Variants in MEGF10 observed in about 807,000 individuals in gnomAD.
MEGF10 encodes multiple epidermal growth factor-like domains protein 10.
A neutral mutation model predicts 147.5 loss-of-function variants in MEGF10; 86 were observed. The observed-to-expected ratio is 0.58, with a 90% CI of 0.49 to 0.70. The LOEUF (loss-of-function observed/expected upper bound fraction) is 0.70, where lower values mean the gene tolerates loss of function less well. Ranked by LOEUF, MEGF10 falls within the 30% of genes least tolerant of loss-of-function variation. MEGF10 has a pLI of 0.00. For synonymous variants in MEGF10, 478 were observed against 525.5 expected (o/e 0.91, Z 1.24); for missense variants, 1,329 against 1,487.3 (o/e 0.89, Z 1.75).
rs186226957 is a variant in MEGF10 at position 127,417,923 on chromosome 5, C to G, written c.1305+111C>G. On this transcript the variant is annotated intron_variant, in intron 10 of 24. Transcript: ENST00000503335. ...ATACAGTGAATGTGCTAAAGTCATC[C>G]ACATCATTAAAGAGAGAGAGAAAAT... The G allele has an allele frequency of 1.1e-3, 1,209 of 1,098,228 alleles. 11 individuals are homozygous for G. The African/African-American group carries it at 0.017, about 15-fold the overall frequency. The allele number at this position is 1,098,228 out of a possible 1,614,324, so 68.0% of individuals were successfully genotyped here. A position where few individuals can be genotyped will look rare whatever the true frequency, so the allele number is the denominator to read the frequency against.
the MEGF10 span, among the ~76,000 whole-genome samples, chr5:127,274,841 T>A: frequency 6.6e-6 from 1 of 152,198 alleles, no homozygotes; most frequent in Non-Finnish European, 1.5e-5. Flanking sequence ...AATATTTTGT[T>A]TGATTCTCTA....
chr5:127,418,511 C>A (rs959024754), intron 10 of MEGF10, among the ~76,000 whole-genome samples: 1 of 152,214 alleles, frequency 6.6e-6, no homozygotes, highest in African/African-American at 2.4e-5. Context: ...GGTTTTCTAA[C>A]CTATGTCATA....
At chr5:127,247,667 A>T in the MEGF10 span, among the ~76,000 whole-genome samples, 1 of 152,042 alleles carries the variant, frequency 6.6e-6, no homozygotes, top group Non-Finnish European at 1.5e-5. Context: ...GCAGTGTAGG[A>T]TTAGAGTCTT....
At chr5:127,277,214 C>T in the MEGF10 span, among the ~76,000 whole-genome samples, 7 of 152,160 alleles carry the variant, frequency 4.6e-5, no homozygotes, top group African/African-American at 1.4e-4. Flanking sequence ...TAGATGGCTC[C>T]TAGCTCAGTT....
chr5:127,369,939 C>T lies in MEGF10; in HGVS notation c.349C>T (p.Arg117Cys), dbSNP rs775437445. Reference sequence around the variant, plus strand: ...CTGTGCTGATAAATGTGTCCATGGTCGCTGTATTGCTCCAAACACCTGTCA... The same window carrying T: ...CTGTGCTGATAAATGTGTCCATGGTTGCTGTATTGCTCCAAACACCTGTCA... ...PHCADKCVHG[R>C]CIAPNTCQCE... Residue 117 changes from arginine (R) to cysteine (C), a missense_variant, in exon 5 of 25, where the codon CGC becomes TGC. Around this residue, in one of 3 missense-constraint regions of MEGF10, gnomAD observed 980 missense variants for 1,085.9 expected, o/e 0.90. Transcript: ENST00000503335. The T allele has an allele frequency of 8.7e-6, 14 of 1,612,286 alleles. No homozygotes were observed. The highest frequency in any genetic ancestry group is 1.2e-5 in the Non-Finnish European group (14 of 1,178,996).
At chr5:127,367,476 TAA>T (rs1489967683) in intron 4 of MEGF10, among the ~76,000 whole-genome samples, 1 of 152,186 alleles carries the variant, frequency 6.6e-6, no homozygotes, top group Admixed American at 6.5e-5. Context: ...AGTATTAATA[TAA>T]ATTTACCATA....
At chr5:127,362,341 T>TG (rs1445754614) in intron 4 of MEGF10, among the ~76,000 whole-genome samples, 1 of 151,064 alleles carries the variant, frequency 6.6e-6, no homozygotes, top group Non-Finnish European at 1.5e-5. Flanking sequence ...GTTTTTTTTT[T>TG]TTTTTACATA....
chr5:127,374,861 C>A (rs1430276561), intron 5 of MEGF10, among the ~76,000 whole-genome samples: 1 of 152,226 alleles, frequency 6.6e-6, no homozygotes, highest in African/African-American at 2.4e-5. Flanking sequence ...TGGCTTCCCT[C>A]TTCTACTTCC....
chr5:127,327,334 G>T (rs1761077923), intron 1 of MEGF10, among the ~76,000 whole-genome samples: 1 of 152,178 alleles, frequency 6.6e-6, no homozygotes, highest in Non-Finnish European at 1.5e-5. Context: ...TCATAAGGAA[G>T]TTATTTGAAG....
chr5:127,373,870 G>A (rs565896496), intron 5 of MEGF10, among the ~76,000 whole-genome samples: 9 of 152,322 alleles, frequency 5.9e-5, no homozygotes, highest in Admixed American at 5.9e-4. Flanking sequence ...ACCTGCTGGA[G>A]AGGGCACAGT....
chr5:127,347,391 T>G (rs1414225448), intron 4 of MEGF10, among the ~76,000 whole-genome samples: 1 of 152,106 alleles, frequency 6.6e-6, no homozygotes, highest in Non-Finnish European at 1.5e-5. Context: ...TATATTTTCA[T>G]TAACACATAT....
At chr5:127,260,741 G>A in the MEGF10 span, among the ~76,000 whole-genome samples, 1 of 152,058 alleles carries the variant, frequency 6.6e-6, no homozygotes, top group African/African-American at 2.4e-5. Context: ...TAGGCATTTC[G>A]AGCAGAGTGG....
At chr5:127,293,467 T>G (rs1759356097) in intron 1 of MEGF10, among the ~76,000 whole-genome samples, 1 of 152,204 alleles carries the variant, frequency 6.6e-6, no homozygotes, top group African/African-American at 2.4e-5. Context: ...TTTTGTATGG[T>G]TCAAACTATA....
chr5:127,363,205 T>G (rs1048151686), intron 4 of MEGF10, among the ~76,000 whole-genome samples: 13 of 152,212 alleles, frequency 8.5e-5, no homozygotes, highest in African/African-American at 3.1e-4. Flanking sequence ...TTTTATTTAA[T>G]TTAGTAACTG....
chr5:127,381,918 A>T (rs1763279438), intron 5 of MEGF10, among the ~76,000 whole-genome samples: 1 of 151,958 alleles, frequency 6.6e-6, no homozygotes, highest in Non-Finnish European at 1.5e-5. Context: ...TGATCCACCC[A>T]CCTTGGCCTC....
intron 1 of MEGF10, among the ~76,000 whole-genome samples, chr5:127,320,154 TG>T (rs1229531381): frequency 2.0e-5 from 3 of 152,286 alleles, no homozygotes; most frequent in South Asian, 2.1e-4. Flanking sequence ...CTTTCCTGAC[TG>T]ATGTTTCTGA....
In MEGF10 at chr5:127,458,986, C is replaced by T. The variant is rs1352991021; in HGVS notation, c.*1668C>T. Reference sequence around the variant, plus strand: ...ACACAATGCAGGAAAGCCAGTTTCCCTTTTGTTGATCTACTTGACCAAGCA... The same window carrying T: ...ACACAATGCAGGAAAGCCAGTTTCCTTTTTGTTGATCTACTTGACCAAGCA... On this transcript the variant is annotated 3_prime_UTR_variant, in exon 25 of 25. Transcript: ENST00000503335. 6.6e-6 allele frequency: 1 copy of T among 152,138 alleles called. No individual in the cohort carries two copies. Among genetic ancestry groups the T allele is most frequent in the African/African-American group, 2.4e-5 (1 of 41,428 alleles). 9.4% of individuals were successfully genotyped at this position (152,138 alleles called of 1,614,324 possible).
At chr5:127,441,767 T>C (rs1278746487) in intron 18 of MEGF10, among the ~76,000 whole-genome samples, 3 of 151,990 alleles carry the variant, frequency 2.0e-5, no homozygotes, top group East Asian at 3.9e-4. Context: ...CCTGGAAAGA[T>C]TGATCAGGAT....
In MEGF10 at chr5:127,339,156, C is replaced by T. The variant is rs774377755; in HGVS notation, c.153C>T (p.Pro51=). 2 of 1,612,474 alleles carry T rather than the reference C, an allele frequency of 1.2e-6. No individual in the cohort carries two copies. The highest frequency in any genetic ancestry group is 1.7e-6 in the Non-Finnish European group (2 of 1,178,856). Residue 51 remains proline (P), a synonymous_variant, in exon 3 of 25, where the codon CCC becomes CCT. Transcript: ENST00000503335. ...CTGTGCAAGAGTCATACCCACATCC[C>T]TTTGATCAAATTTACTACACGAGCT... is the stretch of plus-strand genomic sequence containing the variant. ...SVTVQESYPH[P]FDQIYYTSCT...
Sources: gnomAD v4.1 joint callset for allele counts (sites outside exome capture counted in the v4.1 genomes callset) on GRCh38, gnomAD v4.1.1 for gene constraint, gnomAD v4.1.1 regional missense constraint, MANE v1.5 for transcripts, NCBI Gene and HGNC (gene_info 2026-07-23, HGNC 2026-07-21) for gene names.